CLSTN2: variants seen among roughly 807,000 people sequenced by gnomAD.
CLSTN2 encodes the protein calsyntenin 2, also known as calsyntenin-2.
In CLSTN2, 48 loss-of-function variants were observed where a neutral mutation model predicts 101.2. The observed-to-expected ratio is 0.47, with a 90% CI of 0.38 to 0.60. CLSTN2 has a LOEUF of 0.60. CLSTN2 is among the 20% of genes least tolerant of loss of function. The pLI, the probability that CLSTN2 is intolerant of heterozygous loss-of-function variation, is 0.00. For missense variants in CLSTN2, 1,160 were observed against 1,238.2 expected (o/e 0.94, Z 0.95); for synonymous variants, 481 against 463.6 (o/e 1.04, Z -0.48).
intron 1 of CLSTN2, among the ~76,000 whole-genome samples, chr3:139,952,400 T>G (rs1191378591): frequency 6.6e-6 from 1 of 152,202 alleles, no homozygotes; most frequent in African/African-American, 2.4e-5. Flanking sequence ...AGTGTCCTCA[T>G]GCCCACTCTT....
intron 2 of CLSTN2, among the ~76,000 whole-genome samples, chr3:140,203,304 C>T (rs996358250): frequency 6.6e-6 from 1 of 151,654 alleles, no homozygotes; most frequent in African/African-American, 2.4e-5. Context: ...GAAAGGTGAA[C>T]AAAAATCTGA....
intron 1 of CLSTN2, among the ~76,000 whole-genome samples, chr3:140,166,555 A>C (rs2010137674): frequency 6.6e-6 from 1 of 152,172 alleles, no homozygotes; most frequent in African/African-American, 2.4e-5. Context: ...AAGATTCAAA[A>C]GGTAAATCAT....
rs1158491578 is a variant in CLSTN2, at chr3:139,935,553, G to C, written c.109+70G>C. 1 of 800,470 alleles carries C rather than the reference G, an allele frequency of 1.2e-6. No individual in the cohort carries two copies. Among genetic ancestry groups the C allele is most frequent in the Non-Finnish European group, 1.7e-6 (1 of 594,138 alleles). 49.6% of individuals were successfully genotyped at this position (800,470 alleles called of 1,614,324 possible). ...GCAGGCTTGAGGGTGAAAGCGGCAA[G>C]GACCTAGGCTCAAGCTGGATTTGCC... On this transcript the variant is annotated intron_variant, in intron 1 of 16. Transcript: ENST00000458420. This position sits in a 1 kb window ranked among gnomAD's most constrained non-coding sequence, Gnocchi z 5.5.
chr3:139,968,749 G>C (rs1263708172), intron 1 of CLSTN2, among the ~76,000 whole-genome samples: 1 of 152,140 alleles, frequency 6.6e-6, no homozygotes, highest in Admixed American at 6.5e-5. Flanking sequence ...TCAATAGGTA[G>C]AATATATTGC....
chr3:140,563,923 T>C, intron 15 of CLSTN2, 38 bp from the exon 16 acceptor site: 1 of 1,604,220 alleles, frequency 6.2e-7, no homozygotes, highest in Non-Finnish European at 8.5e-7. Flanking sequence ...AGCTAGGCCT[T>C]TGTTCACCAT....
chr3:140,313,493 A>T (rs373408163), intron 2 of CLSTN2, among the ~76,000 whole-genome samples: 1 of 152,228 alleles, frequency 6.6e-6, no homozygotes, highest in Non-Finnish European at 1.5e-5. Flanking sequence ...TTCTATGACA[A>T]ATTACTGCTG....
In CLSTN2 at chr3:140,575,120, C is replaced by A. The variant is rs950330521; in HGVS notation, c.*8867C>A. 4 of 152,180 alleles carry A rather than the reference C, an allele frequency of 2.6e-5. No homozygotes were observed. Among genetic ancestry groups the A allele is most frequent in the African/African-American group, 9.7e-5 (4 of 41,414 alleles). 9.4% of individuals were successfully genotyped at this position (152,180 alleles called of 1,614,324 possible). On this transcript the variant is annotated 3_prime_UTR_variant, in exon 17 of 17. Transcript: ENST00000458420. ...GAAGAGGTCTGCTCATGTTCACTAG[C>A]CAAACTTTAGGTGGTGTGATACAGC...
At chr3:140,314,816 G>A (rs762284111) in intron 2 of CLSTN2, among the ~76,000 whole-genome samples, 2 of 152,016 alleles carry the variant, frequency 1.3e-5, no homozygotes, top group Non-Finnish European at 2.9e-5. Context: ...CATTGGTTTA[G>A]TGGTGGCCTG....
chr3:140,053,948 A>AG (rs1400569694), intron 1 of CLSTN2, among the ~76,000 whole-genome samples: 1 of 152,196 alleles, frequency 6.6e-6, no homozygotes, highest in Non-Finnish European at 1.5e-5. Flanking sequence ...CATGTTTGCC[A>AG]GTTGCCATCT....
chr3:140,263,787 T>C (rs1323492351), intron 2 of CLSTN2, among the ~76,000 whole-genome samples: 3 of 152,192 alleles, frequency 2.0e-5, no homozygotes, highest in Admixed American at 2.0e-4. Flanking sequence ...TAATTACTTA[T>C]TGGTAATTCC....
chr3:140,477,580 C>T (rs1353338966), intron 8 of CLSTN2, among the ~76,000 whole-genome samples: 1 of 152,166 alleles, frequency 6.6e-6, no homozygotes, highest in Non-Finnish European at 1.5e-5. Flanking sequence ...TACACAGTTA[C>T]TTTTGAGGTT....
intron 2 of CLSTN2, among the ~76,000 whole-genome samples, chr3:140,217,655 C>T (rs550378636): frequency 2.0e-5 from 3 of 152,198 alleles, no homozygotes; most frequent in African/African-American, 4.8e-5. Context: ...AAAGGGTTGA[C>T]GTCCTAGGAT....
At position 140,567,294 on chromosome 3, in the gene CLSTN2, A is replaced by C. The variant is rs962538182; in HGVS notation, c.*1041A>C. 2.4e-4 allele frequency: 36 copies of C among 152,192 alleles called. No homozygotes were observed. The highest frequency in any genetic ancestry group is 7.7e-4 in the African/African-American group (32 of 41,448). The allele number at this position is 152,192 out of a possible 1,614,324, so 9.4% of individuals were successfully genotyped here. The stretch of plus-strand genomic sequence containing the variant: ...TCAGCCTTATGGTCCCTTATCTCCT[A>C]TCTTCCCTCTTGAGAAAATACACGC... On this transcript the variant is annotated 3_prime_UTR_variant, in exon 17 of 17. Coordinates refer to ENST00000458420, the MANE Select transcript of CLSTN2 (RefSeq NM_022131.3).
intron 2 of CLSTN2, among the ~76,000 whole-genome samples, chr3:140,201,501 G>GT (rs2010717002): frequency 6.6e-6 from 1 of 152,154 alleles, no homozygotes. Context: ...GCCAGGAAGG[G>GT]TTAGAATGGC....
chr3:140,420,163 G>A (rs146256659), intron 4 of CLSTN2, among the ~76,000 whole-genome samples: 9,378 of 151,140 alleles, frequency 0.062, 359 homozygotes, highest in African/African-American at 0.11. Flanking sequence ...CAAAGTGCTG[G>A]GATTACAGAC....
At chr3:140,290,500 G>T (rs377451383) in intron 2 of CLSTN2, among the ~76,000 whole-genome samples, 118 of 152,296 alleles carry the variant, frequency 7.7e-4, no homozygotes, top group Middle Eastern at 3.4e-3. Context: ...GACAGGAGGA[G>T]AGACCTCTAC....
chr3:140,478,114 A>C (rs1232630217), intron 8 of CLSTN2, among the ~76,000 whole-genome samples: 1 of 152,122 alleles, frequency 6.6e-6, no homozygotes, highest in African/African-American at 2.4e-5. Flanking sequence ...TCACTGGTTT[A>C]TTTCTTTCAC....
chr3:140,371,332 C>T (rs1205491876), intron 2 of CLSTN2, among the ~76,000 whole-genome samples: 1 of 148,686 alleles, frequency 6.7e-6, no homozygotes, highest in Non-Finnish European at 1.5e-5. Context: ...AAAAAATCTG[C>T]AGAAGATGGG....
At chr3:140,170,463 T>G (rs2010194644) in intron 1 of CLSTN2, among the ~76,000 whole-genome samples, 1 of 152,148 alleles carries the variant, frequency 6.6e-6, no homozygotes, top group Admixed American at 6.5e-5. Flanking sequence ...CTTTCCAAAA[T>G]GAGAACATTT....
Sources: allele counts gnomAD v4.1 joint callset (sites outside exome capture counted in the v4.1 genomes callset), GRCh38; gene constraint gnomAD v4.1.1; non-coding constraint Gnocchi (gnomAD v3.1); transcripts MANE v1.5; gene names NCBI Gene and HGNC (gene_info 2026-07-23, HGNC 2026-07-21).